The following THADA variants were observed in gnomAD, a reference collection of about 807,000 sequenced individuals.
THADA encodes the protein tRNA (32-2'-O)-methyltransferase regulator THADA.
A neutral mutation model predicts 219.8 loss-of-function variants in THADA; 213 were observed. That is an observed-to-expected ratio of 0.97 (90% CI 0.87 to 1.09). THADA has a LOEUF of 1.09. Among genes scored for constraint, THADA ranks in the 50% least tolerant of loss-of-function variants. THADA has a pLI of 0.00. For missense variants in THADA, 2,956 were observed against 2,311.3 expected (o/e 1.28, Z -5.72); for synonymous variants, 1,018 against 828.9 (o/e 1.23, Z -3.92).
rs559749842 is a variant in THADA at position 43,257,782 on chromosome 2, A to G, written c.5296+21983T>C. ...CATAAAACCTTATTTAGTAATTACAACCAACACTCAAATATGTAAACTTTA... is the reference window on the plus strand; with the variant it reads ...CATAAAACCTTATTTAGTAATTACAGCCAACACTCAAATATGTAAACTTTA... On this transcript the variant is annotated intron_variant, in intron 36 of 37. Transcript: ENST00000405975. Among the ~76,000 whole-genome samples, 91 of 152,378 alleles carry G rather than the reference A, an allele frequency of 6.0e-4. 1 individual carries two copies. The highest frequency in any genetic ancestry group is 2.2e-3 in the African/African-American group (90 of 41,588).
intron 29 of THADA, among the ~76,000 whole-genome samples, chr2:43,346,191 AG>A (rs146455434): frequency 0.012 from 1,758 of 152,320 alleles, 12 homozygotes; most frequent in Middle Eastern, 0.024. Flanking sequence ...CAGGGGAAAG[AG>A]AAAGGAAAGA....
At chr2:43,486,463 C>T (rs1005819539) in intron 25 of THADA, 3 of 152,114 alleles carry the variant, frequency 2.0e-5, no homozygotes, top group African/African-American at 7.2e-5. Flanking sequence ...AGGCCCTATA[C>T]CAGCACCATG....
intron 26 of THADA, among the ~76,000 whole-genome samples, chr2:43,457,105 T>A (rs1683095161): frequency 6.9e-6 from 1 of 144,078 alleles, no homozygotes; most frequent in Admixed American, 6.9e-5. Context: ...ATGTTCCACA[T>A]CGGTAGAAAA....
chr2:43,231,376 T>C (rs1292953978), intron 37 of THADA, 33 bp from the exon 38 acceptor site: 1 of 1,482,234 alleles, frequency 6.7e-7, no homozygotes, highest in African/African-American at 1.4e-5. Context: ...AAGTCAGTCT[T>C]ACAGGGAATG....
intron 7 of THADA, among the ~76,000 whole-genome samples, chr2:43,583,684 T>C (rs938449373): frequency 1.3e-5 from 2 of 152,244 alleles, no homozygotes; most frequent in Non-Finnish European, 2.9e-5. Context: ...ACAGATTGAT[T>C]AACATGTGGT....
intron 31 of THADA, among the ~76,000 whole-genome samples, chr2:43,303,960 C>A (rs992994127): frequency 6.6e-6 from 1 of 152,182 alleles, no homozygotes; most frequent in Non-Finnish European, 1.5e-5. Flanking sequence ...GGGCAGGGAC[C>A]GCACTTTCAA....
chr2:43,379,580 C>G (rs1230284746), intron 29 of THADA, among the ~76,000 whole-genome samples: 1 of 152,204 alleles, frequency 6.6e-6, no homozygotes, highest in African/African-American at 2.4e-5. Flanking sequence ...GCAACAGGAA[C>G]TCTCATTCAC....
intron 11 of THADA, among the ~76,000 whole-genome samples, chr2:43,573,696 A>C (rs964550968): frequency 6.6e-6 from 1 of 152,194 alleles, no homozygotes; most frequent in Non-Finnish European, 1.5e-5. Context: ...AATATTTCTT[A>C]AAATTATGCT....
chr2:43,569,185 C>T (rs1040000348), intron 14 of THADA, among the ~76,000 whole-genome samples: 1 of 152,098 alleles, frequency 6.6e-6, no homozygotes, highest in African/African-American at 2.4e-5. Context: ...CTATGTTGCC[C>T]AGGCTAGTCT....
At chr2:43,554,528 G>A (rs1697122044) in intron 17 of THADA, among the ~76,000 whole-genome samples, 1 of 152,070 alleles carries the variant, frequency 6.6e-6, no homozygotes, top group Non-Finnish European at 1.5e-5. Flanking sequence ...TGCACTGAAG[G>A]GGAAAAGTAA....
At chr2:43,514,548 C>T (rs577574689) in intron 22 of THADA, among the ~76,000 whole-genome samples, 2,326 of 104,932 alleles carry the variant, frequency 0.022, 42 homozygotes, top group African/African-American at 0.036. Flanking sequence ...ATATTTTATA[C>T]ACAATATAAA....
chr2:43,436,255 T>C (rs373527255), intron 26 of THADA, among the ~76,000 whole-genome samples: 2 of 152,144 alleles, frequency 1.3e-5, no homozygotes, highest in East Asian at 3.9e-4. Context: ...TTTGAGGAAG[T>C]AGAGAGAATA....
At chr2:43,581,615 C>A in intron 8 of THADA, 126 bp downstream of exon 8, 1 of 755,328 alleles carries the variant, frequency 1.3e-6, no homozygotes, top group Non-Finnish European at 2.0e-6. Context: ...TTTTGAGAGG[C>A]TGAGTAAGGA....
At chr2:43,471,927 A>G (rs528217951) in intron 26 of THADA, among the ~76,000 whole-genome samples, 1 of 152,324 alleles carries the variant, frequency 6.6e-6, no homozygotes. Flanking sequence ...CTTAATACAT[A>G]ATGAAGATAT....
intron 31 of THADA, among the ~76,000 whole-genome samples, chr2:43,307,866 T>G (rs932500975): frequency 1.3e-5 from 2 of 151,794 alleles, no homozygotes; most frequent in East Asian, 3.9e-4. Flanking sequence ...TTTAAAAATA[T>G]CCTAAAATGA....
At chr2:43,341,084 C>G (rs1473557283) in intron 30 of THADA, among the ~76,000 whole-genome samples, 1 of 152,162 alleles carries the variant, frequency 6.6e-6, no homozygotes, top group Non-Finnish European at 1.5e-5. Flanking sequence ...TGTTTTCCTT[C>G]CAAACTCTAT....
At chr2:43,502,584 C>CAAAAAAAAAAAAAAAAAAAAA (rs1172070049) in intron 24 of THADA, among the ~76,000 whole-genome samples, 1 of 74,164 alleles carries the variant, frequency 1.3e-5, no homozygotes, top group Non-Finnish European at 3.0e-5. Flanking sequence ...GACCTCGTCT[C>CAAAAAAAAAAAAAAAAAAAAA]AAAAAAAAAA....
intron 25 of THADA, among the ~76,000 whole-genome samples, chr2:43,495,979 G>C (rs752967051): frequency 2.6e-5 from 4 of 152,158 alleles, no homozygotes; most frequent in Non-Finnish European, 5.9e-5. Context: ...CAATTTTCTA[G>C]GCAAGAGTTG....
At chr2:43,459,894 T>G (rs1434561897) in intron 26 of THADA, among the ~76,000 whole-genome samples, 2 of 152,180 alleles carry the variant, frequency 1.3e-5, no homozygotes, top group African/African-American at 2.4e-5. Context: ...AGTAGAAATT[T>G]TATCAGTAGT....
Sources: allele counts gnomAD v4.1 joint callset (sites outside exome capture counted in the v4.1 genomes callset), GRCh38; gene constraint gnomAD v4.1.1; transcripts MANE v1.5; gene names NCBI Gene and HGNC (gene_info 2026-07-23, HGNC 2026-07-21).